The following C11orf65 variants were observed in gnomAD, a reference collection of about 807,000 sequenced individuals.
C11orf65 encodes the protein protein MFI.
C11orf65 carries 38 observed loss-of-function variants against 35.3 expected under a neutral mutation model. That is an observed-to-expected ratio of 1.08 (90% CI 0.83 to 1.41). The LOEUF (loss-of-function observed/expected upper bound fraction) is 1.41, where lower values mean the gene tolerates loss of function less well. Among genes scored for constraint, C11orf65 ranks in the 40% most tolerant of loss-of-function variants. C11orf65 has a pLI of 0.00. For synonymous variants in C11orf65, 105 were observed against 114.4 expected (o/e 0.92, Z 0.53); for missense variants, 370 against 367.1 (o/e 1.01, Z -0.06).
intron 2 of C11orf65, among the ~76,000 whole-genome samples, chr11:108,360,426 A>G (rs1309095235): frequency 3.1e-4 from 44 of 140,524 alleles, no homozygotes; most frequent in Non-Finnish European, 6.1e-4. Flanking sequence ...AAAAGAGGGA[A>G]TCCTCCCTAA....
In C11orf65 at chr11:108,406,857, G is replaced by A. The variant is rs201967360; in HGVS notation, c.335C>T (p.Thr112Ile). The A allele has an allele frequency of 2.1e-4, 345 of 1,612,386 alleles. 1 individual carries two copies. Among genetic ancestry groups the A allele is most frequent in the Non-Finnish European group, 1.7e-4 (197 of 1,178,670 alleles). ...AAGATGATCATTTTTATTATGAGAT[G>A]TATGCTTTGCTGGAAGTTTTGCATA... ...RNYAKLPAKHTSHNKNDHLQE... is the reference protein window; with the variant it reads ...RNYAKLPAKHISHNKNDHLQE... Residue 112 changes from threonine (T) to isoleucine (I), a missense_variant, in exon 5 of 9, where the codon ACA becomes ATA. Coordinates refer to ENST00000393084, the MANE Select transcript of C11orf65 (RefSeq NM_152587.5).
rs1352928420 is a variant in C11orf65 at position 108,405,476 on chromosome 11, A to G, written c.513T>C (p.Asp171=). The G allele has an allele frequency of 4.3e-6, 7 of 1,613,398 alleles. No homozygotes were observed. Among genetic ancestry groups the G allele is most frequent in the Non-Finnish European group, 5.9e-6 (7 of 1,179,838 alleles). Reference sequence around the variant, plus strand: ...TTCTAAGTTTTCTTTTCTTTTCCAAATCTTGCCTTCTCTTCAGTTTAGAGA... The same window carrying G: ...TTCTAAGTTTTCTTTTCTTTTCCAAGTCTTGCCTTCTCTTCAGTTTAGAGA... ...FHFSKLKRRQ[D]LEKKRKLRKI... The change falls in exon 6 of 9, where the codon GAT becomes GAC. Residue 171 remains aspartate (D), a synonymous_variant. Coordinates refer to ENST00000393084, the MANE Select transcript of C11orf65 (RefSeq NM_152587.5).
rs753328061 is a variant in C11orf65, at chr11:108,385,970, A to G, written c.737T>C (p.Ile246Thr). 11 of 1,613,448 alleles carry G rather than the reference A, an allele frequency of 6.8e-6. No individual in the cohort carries two copies. Among genetic ancestry groups the G allele is most frequent in the African/African-American group, 1.3e-5 (1 of 74,932 alleles). ...TGTAGCAATTTCCTTCCAGCTGGCA[A>G]TGTACCTAAGCACATTATATGAGGA... ...WTNTLNFDEY[I>T]ASWKEIATSN... The change falls in exon 8 of 9, where the codon ATT becomes ACT. Residue 246 changes from isoleucine (I) to threonine (T), a missense_variant. Coordinates refer to ENST00000393084, the MANE Select transcript of C11orf65 (RefSeq NM_152587.5).
At chr11:108,385,071 T>C (rs2091957682) in intron 8 of C11orf65, among the ~76,000 whole-genome samples, 1 of 152,128 alleles carries the variant, frequency 6.6e-6, no homozygotes, top group Admixed American at 6.6e-5. Flanking sequence ...TCATGAAAAA[T>C]TGTTACTAAA....
At chr11:108,359,047 A>G (rs1235789931) in intron 2 of C11orf65, among the ~76,000 whole-genome samples, 3 of 149,594 alleles carry the variant, frequency 2.0e-5, no homozygotes, top group Admixed American at 6.7e-5. Flanking sequence ...TATTCAGGAA[A>G]CCCATCTCAC....
At chr11:108,398,921 C>G (rs1247761698) in intron 6 of C11orf65, among the ~76,000 whole-genome samples, 1 of 152,240 alleles carries the variant, frequency 6.6e-6, no homozygotes, top group Admixed American at 6.5e-5. Flanking sequence ...AAATGGATGC[C>G]TCCTCTATTA....
chr11:108,343,039 A>G (rs2087777920), intron 2 of C11orf65, among the ~76,000 whole-genome samples: 1 of 152,176 alleles, frequency 6.6e-6, no homozygotes. Context: ...CTGGAAAATT[A>G]TATTCTTTGA....
chr11:108,453,005 TG>T (rs2093369081), intron 2 of C11orf65, among the ~76,000 whole-genome samples: 1 of 15,684 alleles, frequency 6.4e-5, no homozygotes, highest in Non-Finnish European at 1.2e-4. Context: ...TGTCGTGGGG[TG>T]GGGGGAGGGG....
At chr11:108,398,891 T>C (rs552212506) in intron 6 of C11orf65, among the ~76,000 whole-genome samples, 4 of 152,358 alleles carry the variant, frequency 2.6e-5, no homozygotes, top group East Asian at 3.9e-4. Context: ...TCCAGAATAT[T>C]TGTCTATCAC....
chr11:108,348,387 A>G (rs929077864), intron 2 of C11orf65, among the ~76,000 whole-genome samples: 1 of 149,642 alleles, frequency 6.7e-6, no homozygotes, highest in Non-Finnish European at 1.5e-5. Context: ...TAAGAAAGAA[A>G]GAATATGTAG....
At chr11:108,408,683 T>TAAAAAAAAATAAAA (rs1373369961) in intron 3 of C11orf65, among the ~76,000 whole-genome samples, 13 of 72,832 alleles carry the variant, frequency 1.8e-4, no homozygotes, top group African/African-American at 5.0e-4. Context: ...ATAAATAAAA[T>TAAAAAAAAATAAAA]AAAATAAAAT....
chr11:108,425,329 C>G (rs2092885024), intron 3 of C11orf65, among the ~76,000 whole-genome samples: 1 of 151,952 alleles, frequency 6.6e-6, no homozygotes, highest in Non-Finnish European at 1.5e-5. Flanking sequence ...ACCACTGATC[C>G]CAGAGAAATA....
At chr11:108,452,150 C>A (rs1432870083) in intron 2 of C11orf65, among the ~76,000 whole-genome samples, 1 of 152,032 alleles carries the variant, frequency 6.6e-6, no homozygotes, top group African/African-American at 2.4e-5. Flanking sequence ...CCAAAATTGA[C>A]AAATGGGATC....
At position 108,316,056 on chromosome 11, in the gene C11orf65, A is replaced by G. The variant is rs978540099; in HGVS notation, c.641-6985T>C. 2.5e-6 allele frequency: 4 copies of G among 1,614,204 alleles called. No homozygotes were observed. The highest frequency in any genetic ancestry group is 1.7e-5 in the Admixed American group (1 of 60,034). ...AAGCAATGTGGGGCAAAGCCCTAGT[A>G]ACATATGACCTCGAAACAGCAATCC... On this transcript the variant is annotated intron_variant, in intron 6 of 6. Coordinates refer to the C11orf65 transcript ENST00000525729.
chr11:108,431,014 A>G (rs1021751415), intron 3 of C11orf65, among the ~76,000 whole-genome samples: 5 of 152,040 alleles, frequency 3.3e-5, no homozygotes, highest in African/African-American at 1.2e-4. Context: ...CAAACTGACA[A>G]TATTATGTAT....
At chr11:108,423,374 T>C (rs534518775) in intron 3 of C11orf65, among the ~76,000 whole-genome samples, 1 of 152,166 alleles carries the variant, frequency 6.6e-6, no homozygotes, top group Non-Finnish European at 1.5e-5. Flanking sequence ...GAAATCGACC[T>C]GGGACACTGG....
chr11:108,336,009 C>G (rs748488965), intron 2 of C11orf65: 4 of 1,454,800 alleles, frequency 2.7e-6, no homozygotes, highest in African/African-American at 1.4e-5. Context: ...ATAAAAGATG[C>G]CATTTGGTTG....
At chr11:108,396,694 C>T (rs1005390703) in intron 6 of C11orf65, among the ~76,000 whole-genome samples, 4 of 151,048 alleles carry the variant, frequency 2.6e-5, no homozygotes, top group Non-Finnish European at 1.5e-5. Flanking sequence ...ATTAGCTGGG[C>T]GTGGTGGCAG....
At chr11:108,316,805 AG>A (rs1382494649) in intron 6 of C11orf65, among the ~76,000 whole-genome samples, 1 of 149,546 alleles carries the variant, frequency 6.7e-6, no homozygotes, top group Non-Finnish European at 1.5e-5. Flanking sequence ...GGGTGCCTGT[AG>A]GCCCAGCTAC....
Sources: allele counts gnomAD v4.1 joint callset (sites outside exome capture counted in the v4.1 genomes callset), GRCh38; gene constraint gnomAD v4.1.1; transcripts MANE v1.5; gene names NCBI Gene and HGNC (gene_info 2026-07-23, HGNC 2026-07-21).